Variants in TMEM131 observed in about 807,000 individuals in gnomAD.
TMEM131 encodes transmembrane protein 131, also known as 2610524E03Rik.
In TMEM131, 66 loss-of-function variants were observed where a neutral mutation model predicts 211.6. That is an observed-to-expected ratio of 0.31 (90% confidence interval 0.26 to 0.38). The LOEUF (loss-of-function observed/expected upper bound fraction) is 0.38. TMEM131 is among the 10% of genes least tolerant of loss of function. The pLI, the probability that TMEM131 is intolerant of heterozygous loss-of-function variation, is 1.00. For synonymous variants in TMEM131, 844 were observed against 841.3 expected, an observed-to-expected ratio of 1.00 and a Z score of -0.06; for missense variants, 2,036 against 2,299.3, an observed-to-expected ratio of 0.89 and a Z score of 2.34.
chr2:97,886,151 C>T (rs1675148042), intron 4 of TMEM131, among the ~76,000 whole-genome samples: 1 of 152,104 alleles, frequency 6.6e-6, no homozygotes, highest in South Asian at 2.1e-4. Flanking sequence ...TGTTGAATTT[C>T]TTATTCAAAT....
chr2:97,908,011 A>G (rs957390452), intron 3 of TMEM131, among the ~76,000 whole-genome samples: 2 of 152,284 alleles, frequency 1.3e-5, no homozygotes, highest in South Asian at 4.2e-4. Flanking sequence ...TATCCAACTC[A>G]AAGAAAGCTC....
chr2:97,871,588 G>A (rs1329961039), intron 4 of TMEM131, among the ~76,000 whole-genome samples: 1 of 152,180 alleles, frequency 6.6e-6, no homozygotes, highest in Non-Finnish European at 1.5e-5. Context: ...ACAACTGGCT[G>A]ACTCAACCGG....
intron 22 of TMEM131, among the ~76,000 whole-genome samples, chr2:97,803,525 C>G (rs1441216546): frequency 6.6e-6 from 1 of 152,196 alleles, no homozygotes; most frequent in African/African-American, 2.4e-5. Flanking sequence ...AGCTAAGATT[C>G]CTGGGACTAA....
intron 1 of TMEM131, among the ~76,000 whole-genome samples, chr2:97,940,652 C>T (rs1677674845): frequency 6.6e-6 from 1 of 151,982 alleles, no homozygotes. Context: ...ACTAAAAATA[C>T]AAAAACTTAG....
chr2:97,932,391 A>G (rs1177898577), intron 1 of TMEM131, among the ~76,000 whole-genome samples: 1 of 152,168 alleles, frequency 6.6e-6, no homozygotes, highest in Non-Finnish European at 1.5e-5. Flanking sequence ...TTCTTGCCAC[A>G]TTAGAAGTAC....
At chr2:97,891,584 C>T (rs763056900) in intron 3 of TMEM131, among the ~76,000 whole-genome samples, 10 of 152,068 alleles carry the variant, frequency 6.6e-5, no homozygotes, top group South Asian at 2.1e-4. Context: ...TGAAGAGATA[C>T]AAGAAATCTT....
intron 3 of TMEM131, among the ~76,000 whole-genome samples, chr2:97,906,637 A>T (rs1254427632): frequency 2.0e-5 from 3 of 152,210 alleles, no homozygotes; most frequent in Non-Finnish European, 4.4e-5. Flanking sequence ...GCCCATGTGA[A>T]GGCCACACAA....
At chr2:97,884,445 A>C (rs1675058990) in intron 4 of TMEM131, among the ~76,000 whole-genome samples, 1 of 152,116 alleles carries the variant, frequency 6.6e-6, no homozygotes, top group Non-Finnish European at 1.5e-5. Flanking sequence ...CATTTAGTTG[A>C]TGGTGTAGTT....
intron 4 of TMEM131, among the ~76,000 whole-genome samples, chr2:97,885,816 C>T (rs1675133704): frequency 6.6e-6 from 1 of 152,210 alleles, no homozygotes; most frequent in African/African-American, 2.4e-5. Flanking sequence ...ATGTCCATCT[C>T]AAATTTCAAG....
chr2:97,757,959 C>T (rs1047624189), intron 40 of TMEM131, among the ~76,000 whole-genome samples: 52 of 152,032 alleles, frequency 3.4e-4, no homozygotes, highest in African/African-American at 1.2e-3. Flanking sequence ...GGTGAAACCC[C>T]GTCTCTACTA....
chr2:97,941,728 T>C (rs1677739783), intron 1 of TMEM131, among the ~76,000 whole-genome samples: 1 of 152,202 alleles, frequency 6.6e-6, no homozygotes, highest in Non-Finnish European at 1.5e-5. Context: ...GAAAAAATAC[T>C]CATCATCACT....
chr2:97,792,995 G>T lies in TMEM131; in HGVS notation c.3546-11C>A. 6.6e-7 allele frequency: 1 copy of T among 1,512,338 alleles called. No individual in the cohort carries two copies. The highest frequency in any genetic ancestry group is 1.3e-5 in the South Asian group (1 of 78,990). 93.7% of individuals were successfully genotyped at this position (1,512,338 alleles called of 1,614,324 possible). A position where few individuals can be genotyped will look rare whatever the true frequency, so the allele number is the denominator to read the frequency against. ...CTGAGTGTGTTCAAGCTGAAAAAGG[G>T]ACCAACTGCAGATCAGTAAATAGCA... is the stretch of plus-strand genomic sequence containing the variant. On this transcript the variant is annotated splice_polypyrimidine_tract_variant and intron_variant, in intron 30 of 40. Transcript: ENST00000186436.
At chr2:97,799,897 T>A (rs751752594) in intron 25 of TMEM131, among the ~76,000 whole-genome samples, 5 of 152,150 alleles carry the variant, frequency 3.3e-5, no homozygotes, top group Non-Finnish European at 5.9e-5. Context: ...GAGGCAGATA[T>A]GAGAATCTAC....
At chr2:97,877,059 T>C (rs1674726750) in intron 4 of TMEM131, among the ~76,000 whole-genome samples, 1 of 152,036 alleles carries the variant, frequency 6.6e-6, no homozygotes, top group Admixed American at 6.6e-5. Context: ...TATACACCAC[T>C]AACAGACAAA....
intron 11 of TMEM131, among the ~76,000 whole-genome samples, chr2:97,823,055 A>C (rs1327003518): frequency 6.6e-6 from 1 of 152,090 alleles, no homozygotes; most frequent in Non-Finnish European, 1.5e-5. Context: ...GAAATACCTT[A>C]TCTCTAAGCT....
chr2:97,768,595 C>T (rs777012690), intron 33 of TMEM131, among the ~76,000 whole-genome samples: 2 of 152,016 alleles, frequency 1.3e-5, no homozygotes, highest in Non-Finnish European at 2.9e-5. Context: ...TTAATTGAAG[C>T]GATTCATTTT....
rs71386034 is a variant in TMEM131 at position 97,804,621 on chromosome 2, C to CAA, written c.2402+465_2402+466dup. On this transcript the variant is annotated intron_variant, in intron 22 of 40. Coordinates refer to ENST00000186436, the MANE Select transcript of TMEM131 (RefSeq NM_015348.2). ...TTGGTGACAGAGTGAGACTCCGTCTCAAAAAAAAAAAAAAAAAAAAAAGGA... is the reference window on the plus strand; with the variant it reads ...TTGGTGACAGAGTGAGACTCCGTCTCAAAAAAAAAAAAAAAAAAAAAAAAGGA... Among the ~76,000 whole-genome samples, 371 of 71,438 alleles carry CAA rather than the reference C, an allele frequency of 5.2e-3. 9 individuals are homozygous for CAA. Among genetic ancestry groups the CAA allele is most frequent in the African/African-American group, 0.018 (316 of 17,470 alleles). The allele number at this position is 71,438 out of a possible 152,430, so 46.9% of individuals were successfully genotyped here.
chr2:97,837,283 T>C (rs1444111378), intron 7 of TMEM131, 126 bp from the exon 8 acceptor site: 7 of 636,754 alleles, frequency 1.1e-5, no homozygotes, highest in Non-Finnish European at 1.9e-5. Flanking sequence ...GATATAAACG[T>C]AGGATATGTA....
chr2:97,925,041 G>A (rs1400091362), intron 2 of TMEM131, among the ~76,000 whole-genome samples: 1 of 151,900 alleles, frequency 6.6e-6, no homozygotes, highest in Admixed American at 6.6e-5. Context: ...CAACACACCT[G>A]GCTAATTTTT....
Sources: gnomAD v4.1 joint callset for allele counts (sites outside exome capture counted in the v4.1 genomes callset) on GRCh38, gnomAD v4.1.1 for gene constraint, MANE v1.5 for transcripts, NCBI Gene and HGNC (gene_info 2026-07-23, HGNC 2026-07-21) for gene names.